Variants in RORA observed in about 807,000 individuals in gnomAD.
RORA encodes nuclear receptor ROR-alpha.
In RORA, 7 loss-of-function variants were observed where a neutral mutation model predicts 69.5. The ratio of observed to expected loss-of-function variants is 0.10; its 90% CI spans 0.06 to 0.19. The LOEUF (loss-of-function observed/expected upper bound fraction) is 0.19. Among genes scored for constraint, RORA ranks in the 10% least tolerant of loss-of-function variants. The pLI, the probability that RORA is intolerant of heterozygous loss-of-function variation, is 1.00. For missense variants in RORA, 457 were observed against 663.0 expected, an observed-to-expected ratio of 0.69 and a Z score of 3.41; for synonymous variants, 261 against 240.8, an observed-to-expected ratio of 1.08 and a Z score of -0.78.
At chr15:61,104,941 CTT>C (rs2078930628) in intron 1 of RORA, among the ~76,000 whole-genome samples, 2 of 151,996 alleles carry the variant, frequency 1.3e-5, no homozygotes, top group Admixed American at 6.6e-5. Context: ...CTCACTCTCT[CTT>C]GTCTGCTGCC....
At chr15:60,826,787 C>G (rs1757038336) in intron 1 of RORA, among the ~76,000 whole-genome samples, 1 of 93,290 alleles carries the variant, frequency 1.1e-5, no homozygotes, top group Non-Finnish European at 2.7e-5. Flanking sequence ...CTCTCTCTCT[C>G]TCTTTTTTTT....
chr15:60,988,234 G>A (rs1470774708), intron 1 of RORA, among the ~76,000 whole-genome samples: 1 of 152,192 alleles, frequency 6.6e-6, no homozygotes, highest in African/African-American at 2.4e-5. Flanking sequence ...TTGGGAGAGG[G>A]AAGACACTGG....
intron 1 of RORA, among the ~76,000 whole-genome samples, chr15:60,815,917 A>G (rs1372999192): frequency 7.6e-6 from 1 of 131,728 alleles, no homozygotes; most frequent in Non-Finnish European, 1.6e-5. Flanking sequence ...TTTATAAACT[A>G]TAGTGTATAT....
chr15:60,567,335 G>A (rs2067743791), intron 2 of RORA, among the ~76,000 whole-genome samples: 1 of 151,882 alleles, frequency 6.6e-6, no homozygotes, highest in Non-Finnish European at 1.5e-5. Flanking sequence ...CACCTGCCTA[G>A]GGGCACTAAA....
chr15:60,878,330 C>T (rs2073641762), intron 1 of RORA, among the ~76,000 whole-genome samples: 1 of 105,118 alleles, frequency 9.5e-6, no homozygotes, highest in Non-Finnish European at 1.8e-5. Flanking sequence ...GGCGAAAGAG[C>T]AAGACTCTGT....
chr15:60,798,383 A>G (rs2072528608), intron 1 of RORA, among the ~76,000 whole-genome samples: 1 of 152,154 alleles, frequency 6.6e-6, no homozygotes, highest in South Asian at 2.1e-4. Flanking sequence ...AGCTTGTTCA[A>G]GATTTGTCTC....
At chr15:60,604,407 C>T (rs2068897322) in intron 2 of RORA, among the ~76,000 whole-genome samples, 1 of 152,070 alleles carries the variant, frequency 6.6e-6, no homozygotes, top group South Asian at 2.1e-4. Flanking sequence ...ATGGACTGAC[C>T]TTGTTTATCT....
chr15:60,661,442 G>C (rs1222541229), intron 2 of RORA, among the ~76,000 whole-genome samples: 1 of 152,168 alleles, frequency 6.6e-6, no homozygotes, highest in Non-Finnish European at 1.5e-5. Context: ...AGGGCAGACT[G>C]ATCAAGCTGC....
chr15:61,227,064 C>A (rs1428877696), intron 1 of RORA, among the ~76,000 whole-genome samples: 1 of 152,078 alleles, frequency 6.6e-6, no homozygotes, highest in African/African-American at 2.4e-5. Flanking sequence ...CAGCCTGCCA[C>A]CCTGATCGCT....
intron 1 of RORA, among the ~76,000 whole-genome samples, chr15:61,102,187 C>T (rs1307981818): frequency 6.6e-6 from 1 of 152,156 alleles, no homozygotes; most frequent in Non-Finnish European, 1.5e-5. Context: ...GTGCTTTCCT[C>T]CTTGTCAGCA....
chr15:60,614,487 A>G (rs759660060), intron 2 of RORA, among the ~76,000 whole-genome samples: 6 of 152,178 alleles, frequency 3.9e-5, no homozygotes, highest in Admixed American at 6.5e-5. Context: ...GTTTCTGTGT[A>G]TTTTTGAGGA....
At chr15:60,647,624 A>AT (rs551898063) in intron 2 of RORA, among the ~76,000 whole-genome samples, 5 of 152,096 alleles carry the variant, frequency 3.3e-5, no homozygotes, top group Admixed American at 6.6e-5. Context: ...TTACTAGTAC[A>AT]TTTTTTTGTC....
chr15:60,916,124 A>G (rs770180686), intron 1 of RORA, among the ~76,000 whole-genome samples: 1 of 152,220 alleles, frequency 6.6e-6, no homozygotes, highest in South Asian at 2.1e-4. Flanking sequence ...AGTGATGGAG[A>G]CAAGGCAGTT....
chr15:60,945,278 G>C (rs1892836925), intron 1 of RORA, among the ~76,000 whole-genome samples: 1 of 152,182 alleles, frequency 6.6e-6, no homozygotes, highest in Non-Finnish European at 1.5e-5. Context: ...GTATTCCACG[G>C]TTCCTGTTGG....
At chr15:61,083,088 G>T (rs955932507) in intron 1 of RORA, among the ~76,000 whole-genome samples, 3 of 152,172 alleles carry the variant, frequency 2.0e-5, no homozygotes, top group Non-Finnish European at 4.4e-5. Flanking sequence ...TCTCAAAAAG[G>T]TGTGGAATTG....
intron 1 of RORA, among the ~76,000 whole-genome samples, chr15:60,902,306 G>C (rs1203889880): frequency 6.6e-6 from 1 of 151,414 alleles, no homozygotes; most frequent in African/African-American, 2.4e-5. Context: ...AAAACAGAGA[G>C]TAACCCAAAG....
chr15:60,498,866 A>C (rs188380438), intron 10 of RORA, among the ~76,000 whole-genome samples: 48 of 152,066 alleles, frequency 3.2e-4, no homozygotes, highest in African/African-American at 7.7e-4. Context: ...GGAGAAAAAA[A>C]AAAAAAACAA....
intron 1 of RORA, among the ~76,000 whole-genome samples, chr15:60,935,996 T>C (rs1892509236): frequency 6.6e-6 from 1 of 152,218 alleles, no homozygotes; most frequent in Non-Finnish European, 1.5e-5. Flanking sequence ...GTTGAATTCA[T>C]CACCAGTTGA....
At chr15:60,595,180 C>T (rs1309997431) in intron 2 of RORA, among the ~76,000 whole-genome samples, 1 of 151,560 alleles carries the variant, frequency 6.6e-6, no homozygotes, top group Non-Finnish European at 1.5e-5. Context: ...ATAAATGATA[C>T]ATTTTAGCAC....
Sources: gnomAD v4.1 joint callset for allele counts (sites outside exome capture counted in the v4.1 genomes callset) on GRCh38, gnomAD v4.1.1 for gene constraint, MANE v1.5 for transcripts, NCBI Gene and HGNC (gene_info 2026-07-23, HGNC 2026-07-21) for gene names.